The following SSBP2 variants were observed in gnomAD, a reference collection of about 807,000 sequenced individuals.
SSBP2 encodes the protein single stranded DNA binding protein 2, also known as single-stranded DNA-binding protein 2.
SSBP2 carries 17 observed loss-of-function variants against 61.8 expected under a neutral mutation model. That is an observed-to-expected ratio of 0.28 (90% CI 0.19 to 0.41). SSBP2 has a LOEUF of 0.41. Among genes scored for constraint, SSBP2 ranks in the 10% least tolerant of loss-of-function variants. SSBP2 has a pLI of 1.00. For missense variants in SSBP2, 310 were observed against 458.7 expected (o/e 0.68, Z 2.96); for synonymous variants, 139 against 141.3 (o/e 0.98, Z 0.12).
intron 5 of SSBP2, among the ~76,000 whole-genome samples, chr5:81,494,605 C>A (rs181139779): frequency 6.6e-6 from 1 of 152,260 alleles, no homozygotes; most frequent in African/African-American, 2.4e-5. Context: ...GGAGGAGGGT[C>A]CTCTCCAGGA....
intron 2 of SSBP2, among the ~76,000 whole-genome samples, chr5:81,641,705 G>A (rs1392190419): frequency 6.6e-6 from 1 of 152,156 alleles, no homozygotes; most frequent in East Asian, 1.9e-4. Flanking sequence ...ATTCACTGTA[G>A]TATTGTTAGA....
intron 2 of SSBP2, among the ~76,000 whole-genome samples, chr5:81,644,101 T>C (rs988729305): frequency 2.6e-5 from 4 of 152,176 alleles, no homozygotes; most frequent in African/African-American, 9.7e-5. Context: ...AAGCTCATAA[T>C]AGTCACACAT....
chr5:81,536,667 A>G (rs916756973), intron 4 of SSBP2, among the ~76,000 whole-genome samples: 1 of 152,156 alleles, frequency 6.6e-6, no homozygotes, highest in African/African-American at 2.4e-5. Context: ...GATCTTTTTA[A>G]AAACTTCACC....
rs565947692 is a variant in SSBP2 at position 81,624,985 on chromosome 5, TTCAAAATTGCTCACTTGC to T, written c.198-9446_198-9429del. Among the ~76,000 whole-genome samples the T allele has an allele frequency of 5.4e-3, 822 of 152,222 alleles. 10 individuals carry two copies. The highest frequency in any genetic ancestry group is 0.016 in the African/African-American group (685 of 41,530). ...CTATTGGTCCAAAACTAGTGATGAA[TTCAAAATTGCTCACTTGC>T]TCAAAATTGCTCACTTGCTCAAAAT... is the stretch of plus-strand genomic sequence containing the variant. On this transcript the variant is annotated intron_variant, in intron 3 of 16. Coordinates refer to ENST00000320672, the MANE Select transcript of SSBP2 (RefSeq NM_012446.5).
chr5:81,723,151 G>A (rs1323382127), intron 1 of SSBP2, among the ~76,000 whole-genome samples: 2 of 151,958 alleles, frequency 1.3e-5, no homozygotes, highest in Admixed American at 6.6e-5. Context: ...AAAGGACTAC[G>A]TTGAATAACA....
chr5:81,475,828 T>C (rs565840344), intron 6 of SSBP2, among the ~76,000 whole-genome samples: 2 of 152,194 alleles, frequency 1.3e-5, no homozygotes, highest in African/African-American at 2.4e-5. Context: ...CCTCCTTCCA[T>C]TTGTGTGTGT....
intron 4 of SSBP2, among the ~76,000 whole-genome samples, chr5:81,592,386 C>A (rs1314127690): frequency 2.6e-5 from 4 of 152,238 alleles, no homozygotes; most frequent in Admixed American, 2.0e-4. Flanking sequence ...AGGAGGCCTG[C>A]CTGCCTCTGT....
At chr5:81,593,413 C>T (rs1743333160) in intron 4 of SSBP2, among the ~76,000 whole-genome samples, 1 of 152,194 alleles carries the variant, frequency 6.6e-6, no homozygotes, top group South Asian at 2.1e-4. Context: ...TTGGAAAACA[C>T]TCTGCAGAAT....
Position 81,471,826 on chromosome 5 carries a change from G to T in SSBP2, c.570+1874C>A, listed in dbSNP as rs540053563. ...TTTCCTTGGAACTGTATTTATATGGGTTTTTTTTTTCCTATAATATGGCAT... is the reference window on the plus strand; with the variant it reads ...TTTCCTTGGAACTGTATTTATATGGTTTTTTTTTTTCCTATAATATGGCAT... On this transcript the variant is annotated intron_variant, in intron 8 of 16. Transcript: ENST00000320672. Among the ~76,000 whole-genome samples, 877 of 149,472 alleles carry T rather than the reference G, an allele frequency of 5.9e-3. 6 individuals are homozygous for T. Among genetic ancestry groups the T allele is most frequent in the African/African-American group, 0.02 (817 of 40,920 alleles).
At chr5:81,716,508 C>A (rs1755181526) in intron 1 of SSBP2, among the ~76,000 whole-genome samples, 2 of 152,166 alleles carry the variant, frequency 1.3e-5, no homozygotes, top group Non-Finnish European at 2.9e-5. Context: ...TAATATATTG[C>A]AGCACTGCCT....
chr5:81,664,417 ACCGCAC>A (rs1204124788), intron 1 of SSBP2, among the ~76,000 whole-genome samples: 1 of 152,138 alleles, frequency 6.6e-6, no homozygotes, highest in Non-Finnish European at 1.5e-5. Context: ...GGCGTGAGCC[ACCGCAC>A]CCTTTTTGGT....
intron 12 of SSBP2, among the ~76,000 whole-genome samples, chr5:81,444,559 C>A (rs1763249656): frequency 1.3e-5 from 2 of 152,148 alleles, no homozygotes; most frequent in Non-Finnish European, 2.9e-5. Flanking sequence ...TCTTACTCAT[C>A]TTGTGTACTA....
At chr5:81,570,827 A>G (rs1581051911) in intron 4 of SSBP2, among the ~76,000 whole-genome samples, 1 of 152,212 alleles carries the variant, frequency 6.6e-6, no homozygotes, top group Non-Finnish European at 1.5e-5. Flanking sequence ...AGTGAAGTCC[A>G]TAATACAACC....
chr5:81,485,172 T>C (rs578147736), intron 6 of SSBP2, among the ~76,000 whole-genome samples: 6 of 152,244 alleles, frequency 3.9e-5, no homozygotes, highest in Admixed American at 2.0e-4. Flanking sequence ...CTTCTGAGAG[T>C]TGAACCAATT....
chr5:81,701,436 GTGAGCCC>G (rs1167903665), intron 1 of SSBP2, among the ~76,000 whole-genome samples: 1 of 152,166 alleles, frequency 6.6e-6, no homozygotes, highest in Non-Finnish European at 1.5e-5. Flanking sequence ...GAGACACAAA[GTGAGCCC>G]ATGTCCTTGG....
chr5:81,479,809 T>C (rs1232782825), intron 6 of SSBP2, among the ~76,000 whole-genome samples: 1 of 152,142 alleles, frequency 6.6e-6, no homozygotes, highest in Non-Finnish European at 1.5e-5. Flanking sequence ...AAAACTGAGG[T>C]TTAATATGTA....
chr5:81,509,460 A>G (rs777107034), intron 5 of SSBP2, among the ~76,000 whole-genome samples: 1 of 152,200 alleles, frequency 6.6e-6, no homozygotes, highest in African/African-American at 2.4e-5. Context: ...CTCATTAACT[A>G]TATGTATTTT....
chr5:81,681,220 C>A (rs559701903), intron 1 of SSBP2, among the ~76,000 whole-genome samples: 1 of 151,960 alleles, frequency 6.6e-6, no homozygotes, highest in African/African-American at 2.4e-5. Flanking sequence ...ATATTTTGAA[C>A]TAAAAAAATG....
chr5:81,614,214 G>T (rs1346898298), intron 4 of SSBP2, among the ~76,000 whole-genome samples: 2 of 152,098 alleles, frequency 1.3e-5, no homozygotes, highest in African/African-American at 4.8e-5. Flanking sequence ...CAAAAAATTA[G>T]CTGGGCGTGT....
Sources: allele counts gnomAD v4.1 joint callset (sites outside exome capture counted in the v4.1 genomes callset), GRCh38; gene constraint gnomAD v4.1.1; transcripts MANE v1.5; gene names NCBI Gene and HGNC (gene_info 2026-07-23, HGNC 2026-07-21).